The following NACC2 variants were observed in gnomAD, a reference collection of about 807,000 sequenced individuals.
NACC2 encodes the protein NACC family member 2.
A neutral mutation model predicts 25.1 loss-of-function variants in NACC2; 8 were observed. The observed-to-expected ratio is 0.32, with a 90% CI of 0.19 to 0.57. The LOEUF is 0.57. Among genes scored for constraint, NACC2 ranks in the 20% least tolerant of loss-of-function variants. The pLI is 0.89. For synonymous variants in NACC2, 435 were observed against 294.7 expected (o/e 1.48, Z -4.88); for missense variants, 644 against 650.2 (o/e 0.99, Z 0.10).
intron 1 of NACC2, among the ~76,000 whole-genome samples, chr9:136,051,622 G>A (rs1446512468): frequency 2.0e-5 from 3 of 152,252 alleles, no homozygotes; most frequent in Non-Finnish European, 4.4e-5. Flanking sequence ...GCCGGGTGGC[G>A]GGAGGAGGGC....
chr9:136,050,054 CGCGGCG>C lies in NACC2; in HGVS notation c.462_467del (p.Ala156_Ala157del), dbSNP rs1188637173. 0.027 allele frequency: 19,300 copies of C among 723,404 alleles called. 323 individuals are homozygous for C. Among genetic ancestry groups the C allele is most frequent in the Middle Eastern group, 0.042 (115 of 2,720 alleles). 44.8% of individuals were successfully genotyped at this position (723,404 alleles called of 1,614,324 possible). ...CCGAGGGGGACACGACGTAGGGGGC[CGCGGCG>C]GCGGCGGCCGGCTGCAGCTGGTTGC... On this transcript the variant is annotated inframe_deletion, in exon 2 of 6. Coordinates refer to ENST00000277554, the MANE Select transcript of NACC2 (RefSeq NM_144653.5).
chr9:136,090,634 G>C (rs1830424828), intron 1 of NACC2, among the ~76,000 whole-genome samples: 1 of 152,232 alleles, frequency 6.6e-6, no homozygotes, highest in Non-Finnish European at 1.5e-5. Context: ...CCAGCCTCCA[G>C]ATTCCAACAT....
chr9:136,066,833 G>T lies in NACC2; in HGVS notation c.-59-16253C>A, dbSNP rs180901713. 1.3e-3 allele frequency among the ~76,000 whole-genome samples: 194 copies of T among 151,952 alleles called. 3 individuals carry two copies. Among genetic ancestry groups the T allele is most frequent in the African/African-American group, 4.5e-3 (186 of 41,418 alleles). ...AAGTACTGGGAGAGCACGGATGAGC[G>T]CTACGCTAAGCGAAACATTACGCTA... On this transcript the variant is annotated intron_variant, in intron 1 of 5. Coordinates refer to ENST00000277554, the MANE Select transcript of NACC2 (RefSeq NM_144653.5).
At chr9:136,048,122 G>A (rs1840756913) in intron 2 of NACC2, among the ~76,000 whole-genome samples, 1 of 152,234 alleles carries the variant, frequency 6.6e-6, no homozygotes, top group East Asian at 1.9e-4. Flanking sequence ...ATCAATGGGG[G>A]ATGTCCTCAG....
intron 1 of NACC2, among the ~76,000 whole-genome samples, chr9:136,081,456 G>C (rs1411791683): frequency 6.6e-6 from 1 of 152,254 alleles, no homozygotes; most frequent in East Asian, 1.9e-4. Context: ...CCTGCTCTCT[G>C]AGCGCGGGGT....
At position 136,011,520 on chromosome 9, in the gene NACC2, A is replaced by C; in HGVS notation, c.1760T>G (p.Leu587Trp). The change falls in exon 6 of 6, where the codon TTG (leucine) becomes TGG (tryptophan). Residue 587 changes from leucine (L) to tryptophan (W), a missense_variant. Transcript: ENST00000277554. ...RRPEGTYAGT[L>W] ...CGCGCAGCCACCCAGCTCCGCTTAC[A>C]AGGTCCCTGCATAGGTGCCCTCCGG... 1 of 1,383,096 alleles carries C rather than the reference A, an allele frequency of 7.2e-7. No individual in the cohort carries two copies. The highest frequency in any genetic ancestry group is 9.3e-7 in the Non-Finnish European group (1 of 1,071,764). 85.7% of individuals were successfully genotyped at this position (1,383,096 alleles called of 1,614,324 possible). A position where few individuals can be genotyped will look rare whatever the true frequency, so the allele number is the denominator to read the frequency against.
intron 1 of NACC2, among the ~76,000 whole-genome samples, chr9:136,050,956 C>G (rs1041036350): frequency 6.6e-6 from 1 of 152,214 alleles, no homozygotes; most frequent in African/African-American, 2.4e-5. Flanking sequence ...GGCAAACCTG[C>G]AGCCACTCTC....
At chr9:136,043,460 C>T (rs1045629133) in intron 2 of NACC2, among the ~76,000 whole-genome samples, 2 of 152,222 alleles carry the variant, frequency 1.3e-5, no homozygotes, top group Non-Finnish European at 2.9e-5. Flanking sequence ...GACAGAGAAC[C>T]CCGGCTGCCG....
intron 1 of NACC2, among the ~76,000 whole-genome samples, chr9:136,053,957 G>A (rs1840886189): frequency 6.6e-6 from 1 of 152,290 alleles, no homozygotes; most frequent in Admixed American, 6.5e-5. Context: ...CTGGCCTGTT[G>A]GCAAGGCTGA....
rs1344318108 is a variant in NACC2 at position 136,055,744 on chromosome 9, G to C, written c.-59-5164C>G. On this transcript the variant is annotated intron_variant, in intron 1 of 5. Transcript: ENST00000277554. The surrounding 1 kb of genome is among the most constrained non-coding windows in gnomAD (Gnocchi z 4.9). ...ATGCACAGCCATTAAACACGTGGTA[G>C]AGGAAGGAGAGAGGCGGGGCACGGG... 6.6e-6 allele frequency among the ~76,000 whole-genome samples: 1 copy of C among 152,250 alleles called. No homozygotes were observed. The highest frequency in any genetic ancestry group is 2.4e-5 in the African/African-American group (1 of 41,468).
At chr9:136,024,450 G>A (rs1840353933) in intron 2 of NACC2, among the ~76,000 whole-genome samples, 2 of 148,502 alleles carry the variant, frequency 1.3e-5, no homozygotes, top group Non-Finnish European at 1.5e-5. Context: ...TGAGGACAGA[G>A]GGTATGTGTG....
chr9:136,013,919 C>A lies in NACC2; in HGVS notation c.1102G>T (p.Ala368Ser). The change falls in exon 4 of 6, where the codon GCA becomes TCA. Residue 368 changes from alanine to serine, a missense_variant. Transcript: ENST00000277554. This position sits in a 1 kb window ranked among gnomAD's most constrained non-coding sequence, Gnocchi z 6.6. ...AGCAAGACCTTATGCTTCACCCCTGCACACAGGTGGCAGTTCATCAGCTGG... is the reference window on the plus strand; with the variant it reads ...AGCAAGACCTTATGCTTCACCCCTGAACACAGGTGGCAGTTCATCAGCTGG... ...RGQLMNCHLC[A>S]GVKHKVLLRR... 1.9e-6 allele frequency: 3 copies of A among 1,612,908 alleles called. No homozygotes were observed. Among genetic ancestry groups the A allele is most frequent in the Non-Finnish European group, 2.5e-6 (3 of 1,179,964 alleles).
intron 2 of NACC2, among the ~76,000 whole-genome samples, chr9:136,046,595 C>G (rs10117908): frequency 0.43 from 65,966 of 152,146 alleles, 14,747 homozygotes; most frequent in Non-Finnish European, 0.49. Flanking sequence ...TGCCTCGCTG[C>G]GGGTGGGGGG....
At chr9:136,016,843 G>A (rs1258135828) in intron 2 of NACC2, among the ~76,000 whole-genome samples, 1 of 152,208 alleles carries the variant, frequency 6.6e-6, no homozygotes, top group African/African-American at 2.4e-5. Context: ...GATGGAGGAT[G>A]GAGGACGGCT....
intron 1 of NACC2, among the ~76,000 whole-genome samples, chr9:136,093,398 G>T (rs539991487): frequency 1.2e-4 from 19 of 152,312 alleles, no homozygotes; most frequent in African/African-American, 4.6e-4. Flanking sequence ...CCAGCAGCCG[G>T]TGGTAAAGAA....
At chr9:136,062,825 G>A (rs1348092373) in intron 1 of NACC2, among the ~76,000 whole-genome samples, 2 of 152,218 alleles carry the variant, frequency 1.3e-5, no homozygotes, top group Non-Finnish European at 2.9e-5. Context: ...CCTGAGGTGG[G>A]AGGATCACCT....
chr9:136,069,939 A>C (rs937633694), intron 1 of NACC2, among the ~76,000 whole-genome samples: 2 of 151,924 alleles, frequency 1.3e-5, no homozygotes, highest in African/African-American at 4.9e-5. Context: ...TGAGTTAAAT[A>C]ACATCAGCAG....
rs1042970724 is a variant in NACC2 at position 136,084,127 on chromosome 9, G to A, written c.-60+11062C>T. ...TCAGTGGCTCCAGGGACAACTGAGG[G>A]ACATGGATCCAGCCAGGAGGGGACC... On this transcript the variant is annotated intron_variant, in intron 1 of 5. Transcript: ENST00000277554. This position sits in a 1 kb window ranked among gnomAD's most constrained non-coding sequence, Gnocchi z 5.1. Among the ~76,000 whole-genome samples the A allele has an allele frequency of 3.9e-5, 6 of 152,174 alleles. No homozygotes were observed. The East Asian group carries it at 9.7e-4, about 25-fold the overall frequency.
At chr9:136,046,039 C>G (rs941395747) in intron 2 of NACC2, among the ~76,000 whole-genome samples, 3 of 152,156 alleles carry the variant, frequency 2.0e-5, no homozygotes, top group African/African-American at 7.2e-5. Flanking sequence ...GGAATGAAGG[C>G]GGGTACGCGA....
Sources: allele counts gnomAD v4.1 joint callset (sites outside exome capture counted in the v4.1 genomes callset), GRCh38; gene constraint gnomAD v4.1.1; non-coding constraint Gnocchi (gnomAD v3.1); transcripts MANE v1.5; gene names NCBI Gene and HGNC (gene_info 2026-07-23, HGNC 2026-07-21).